Variants in RABGAP1L observed in about 807,000 individuals in gnomAD.
RABGAP1L encodes rab GTPase-activating protein 1-like.
RABGAP1L carries 63 observed loss-of-function variants against 137.7 expected under a neutral mutation model. That is an observed-to-expected ratio of 0.46 (90% confidence interval 0.37 to 0.56). The LOEUF (loss-of-function observed/expected upper bound fraction) is 0.56, where lower values mean the gene tolerates loss of function less well. Ranked by LOEUF, RABGAP1L falls within the 20% of genes least tolerant of loss-of-function variation. The probability of loss-of-function intolerance (pLI) is 0.00; values close to 1 mark genes in which losing one functional copy is unlikely to be tolerated. For missense variants in RABGAP1L, 1,095 were observed against 1,244.0 expected (o/e 0.88, Z 1.80); for synonymous variants, 431 against 433.7 (o/e 0.99, Z 0.08).
intron 19 of RABGAP1L, among the ~76,000 whole-genome samples, chr1:174,818,425 T>C (rs1159880692): frequency 1.3e-5 from 2 of 152,160 alleles, no homozygotes; most frequent in African/African-American, 4.8e-5. Context: ...CGAAAAGACA[T>C]CCTTAATGGT....
intron 19 of RABGAP1L, among the ~76,000 whole-genome samples, chr1:174,814,536 C>T (rs1013479613): frequency 6.6e-6 from 1 of 152,026 alleles, no homozygotes; most frequent in Non-Finnish European, 1.5e-5. Context: ...ATGTAGGTCT[C>T]CAATCCAAAG....
intron 13 of RABGAP1L, among the ~76,000 whole-genome samples, chr1:174,407,377 A>G (rs1209705247): frequency 6.6e-6 from 1 of 151,384 alleles, no homozygotes; most frequent in Admixed American, 6.6e-5. Flanking sequence ...TCCAAAATCT[A>G]GAGTTGACTC....
intron 19 of RABGAP1L, among the ~76,000 whole-genome samples, chr1:174,927,905 C>T (rs1663101481): frequency 6.6e-6 from 1 of 152,156 alleles, no homozygotes; most frequent in Non-Finnish European, 1.5e-5. Flanking sequence ...GTGACCAGAT[C>T]CTGTCATTTT....
chr1:174,530,391 G>A (rs1664285459), intron 13 of RABGAP1L, among the ~76,000 whole-genome samples: 1 of 152,124 alleles, frequency 6.6e-6, no homozygotes, highest in Non-Finnish European at 1.5e-5. Context: ...AGCTGTTTAG[G>A]TCTCAGGGAG....
At chr1:174,875,727 G>GCCTT in intron 19 of RABGAP1L, 1 of 978,384 alleles carries the variant, frequency 1.0e-6, no homozygotes, top group Non-Finnish European at 1.2e-6. Flanking sequence ...TGAACTGCCT[G>GCCTT]GACACCTTAT....
intron 19 of RABGAP1L, among the ~76,000 whole-genome samples, chr1:174,849,507 A>C (rs1471942703): frequency 6.6e-6 from 1 of 152,206 alleles, no homozygotes; most frequent in Non-Finnish European, 1.5e-5. Flanking sequence ...AGAAAACAAA[A>C]TACATTCTAT....
At chr1:174,650,988 C>T (rs199988025) in intron 14 of RABGAP1L, among the ~76,000 whole-genome samples, 1 of 149,170 alleles carries the variant, frequency 6.7e-6, no homozygotes, top group Non-Finnish European at 1.5e-5. Flanking sequence ...ATAAATTTCC[C>T]TCTACACACT....
chr1:174,327,995 A>ATG (rs1680665847), intron 11 of RABGAP1L, among the ~76,000 whole-genome samples: 44 of 81,006 alleles, frequency 5.4e-4, no homozygotes, highest in African/African-American at 2.6e-3. Flanking sequence ...ACATATATAT[A>ATG]TATATATATA....
intron 1 of RABGAP1L, among the ~76,000 whole-genome samples, chr1:174,208,175 A>G (rs895977614): frequency 1.3e-5 from 2 of 151,830 alleles, no homozygotes; most frequent in African/African-American, 4.8e-5. Flanking sequence ...TCAAATTCCT[A>G]TTGTCCATTG....
intron 13 of RABGAP1L, among the ~76,000 whole-genome samples, chr1:174,574,677 G>A (rs776279197): frequency 1.3e-5 from 2 of 152,112 alleles, no homozygotes; most frequent in Non-Finnish European, 2.9e-5. Context: ...TTATTATTAT[G>A]CACGTTGATG....
At position 174,583,842 on chromosome 1, in the gene RABGAP1L, G is replaced by T. The variant is rs1321768706; in HGVS notation, c.1711-53533G>T. Reference sequence around the variant, plus strand: ...TACTATGTGTCAGGTGCTATGATTGGTATAGATAATATCTAATCTTAAAAC... The same window carrying T: ...TACTATGTGTCAGGTGCTATGATTGTTATAGATAATATCTAATCTTAAAAC... On this transcript the variant is annotated intron_variant, in intron 13 of 25. Coordinates refer to ENST00000681986, the MANE Select transcript of RABGAP1L (RefSeq NM_001366446.1). Among the ~76,000 whole-genome samples the T allele has an allele frequency of 2.6e-5, 4 of 152,144 alleles. 1 individual carries two copies. The highest frequency in any genetic ancestry group is 2.9e-5 in the Non-Finnish European group (2 of 68,024).
chr1:174,699,415 C>T (rs1679487252), intron 15 of RABGAP1L, 110 bp from the exon 16 acceptor site: 4 of 937,426 alleles, frequency 4.3e-6, no homozygotes, highest in Non-Finnish European at 6.1e-6. Flanking sequence ...ACTTCATTTG[C>T]TCCAGGCCTT....
chr1:174,910,985 C>T (rs955891984), intron 19 of RABGAP1L, among the ~76,000 whole-genome samples: 3 of 152,124 alleles, frequency 2.0e-5, no homozygotes, highest in African/African-American at 7.2e-5. Context: ...TTGATTCTAG[C>T]CATCCTAGTT....
At chr1:174,281,282 C>T (rs185486074) in intron 10 of RABGAP1L, among the ~76,000 whole-genome samples, 8 of 151,886 alleles carry the variant, frequency 5.3e-5, no homozygotes, top group Non-Finnish European at 1.0e-4. Flanking sequence ...TTTTACAGAG[C>T]ACTGATTGGT....
At position 174,803,610 on chromosome 1, in the gene RABGAP1L, G is replaced by T. The variant is rs566573679; in HGVS notation, c.2212-8222G>T. 5.3e-5 allele frequency among the ~76,000 whole-genome samples: 8 copies of T among 151,086 alleles called. 1 individual carries two copies. In the South Asian group the frequency reaches 1.7e-3, roughly 31 times the overall value. On this transcript the variant is annotated intron_variant, in intron 18 of 25. Coordinates refer to ENST00000681986, the MANE Select transcript of RABGAP1L (RefSeq NM_001366446.1). ...AAGATAAGAAAGAGAATCACATTTA[G>T]ATTTTTTTTTTTTCAAATAGTCCCC...
chr1:174,566,268 C>T (rs116773070), intron 13 of RABGAP1L, among the ~76,000 whole-genome samples: 3 of 152,178 alleles, frequency 2.0e-5, no homozygotes, highest in African/African-American at 7.2e-5. Context: ...GGAGAAAGAT[C>T]TGGCTGGAGA....
chr1:174,641,204 A>T (rs891883000), intron 14 of RABGAP1L, among the ~76,000 whole-genome samples: 1 of 151,914 alleles, frequency 6.6e-6, no homozygotes, highest in African/African-American at 2.4e-5. Flanking sequence ...CAACAATCTG[A>T]CTTTGTAGTT....
chr1:174,762,771 C>A (rs1328314628), intron 18 of RABGAP1L, among the ~76,000 whole-genome samples: 1 of 150,050 alleles, frequency 6.7e-6, no homozygotes, highest in African/African-American at 2.5e-5. Context: ...AAGAATTCTG[C>A]CAGGATAGCA....
intron 3 of RABGAP1L, among the ~76,000 whole-genome samples, chr1:174,229,266 A>G (rs762604713): frequency 3.9e-5 from 6 of 152,206 alleles, no homozygotes; most frequent in Non-Finnish European, 7.3e-5. Context: ...TGCTTAATAA[A>G]TGTGGTGCAG....
Sources: gnomAD v4.1 joint callset for allele counts (sites outside exome capture counted in the v4.1 genomes callset) on GRCh38, gnomAD v4.1.1 for gene constraint, MANE v1.5 for transcripts, NCBI Gene and HGNC (gene_info 2026-07-23, HGNC 2026-07-21) for gene names.